The following PRKAG2 variants were observed in gnomAD, a reference collection of about 807,000 sequenced individuals.
The protein encoded by PRKAG2 is 5'-AMP-activated protein kinase subunit gamma-2.
PRKAG2 carries 26 observed loss-of-function variants against 69.6 expected under a neutral mutation model. The observed-to-expected ratio is 0.37, with a 90% CI of 0.27 to 0.52. PRKAG2 has a LOEUF of 0.52. PRKAG2 is among the 20% of genes least tolerant of loss of function. PRKAG2 has a pLI of 0.90. For synonymous variants in PRKAG2, 293 were observed against 285.0 expected, an observed-to-expected ratio of 1.03 and a Z score of -0.28; for missense variants, 557 against 740.0, an observed-to-expected ratio of 0.75 and a Z score of 2.87.
rs943433599 is a variant in PRKAG2 at position 151,742,940 on chromosome 7, G to A, written c.466+38212C>T. Among the ~76,000 whole-genome samples, 4 of 152,188 alleles carry A rather than the reference G, an allele frequency of 2.6e-5. No individual in the cohort carries two copies. The South Asian group carries it at 8.3e-4, about 31-fold the overall frequency. On this transcript the variant is annotated intron_variant, in intron 3 of 15. Transcript: ENST00000287878. The stretch of plus-strand genomic sequence containing the variant: ...ACGCTGATGCGTTGGGAGAGATGGC[G>A]CCTTCCCATTGCAGGGCAGGGGCTG...
chr7:151,822,847 AAGGT>A (rs199835994), intron 1 of PRKAG2, among the ~76,000 whole-genome samples: 17,436 of 152,084 alleles, frequency 0.11, 1,131 homozygotes, highest in East Asian at 0.24. Flanking sequence ...CTCCCCACAA[AAGGT>A]TGCCCAATGA....
chr7:151,645,984 T>G (rs1827494413), intron 4 of PRKAG2, among the ~76,000 whole-genome samples: 1 of 152,242 alleles, frequency 6.6e-6, no homozygotes, highest in Non-Finnish European at 1.5e-5. Flanking sequence ...TGGATTCCCT[T>G]GGTACCTTTA....
intron 5 of PRKAG2, chr7:151,631,853 G>A: frequency 2.0e-6 from 1 of 495,320 alleles, no homozygotes; most frequent in Non-Finnish European, 3.8e-6. Flanking sequence ...TGGGAGCCTG[G>A]CTCGCGTCCC....
chr7:151,659,920 G>A (rs148944017), intron 4 of PRKAG2, among the ~76,000 whole-genome samples: 147 of 152,314 alleles, frequency 9.7e-4, no homozygotes, highest in Admixed American at 2.2e-3. Flanking sequence ...TCTGCCAGGC[G>A]TGGTAGTGCA....
At chr7:151,623,545 G>A (rs958409771) in intron 5 of PRKAG2, among the ~76,000 whole-genome samples, 1 of 152,126 alleles carries the variant, frequency 6.6e-6, no homozygotes, top group Non-Finnish European at 1.5e-5. Context: ...CGTGTGGGCC[G>A]ATTCCTAACA....
chr7:151,704,862 G>A (rs959155343), intron 3 of PRKAG2, among the ~76,000 whole-genome samples: 4 of 152,252 alleles, frequency 2.6e-5, no homozygotes, highest in Admixed American at 2.6e-4. Flanking sequence ...TCAGCGGTGC[G>A]GCAGGTTTTG....
intron 3 of PRKAG2, among the ~76,000 whole-genome samples, chr7:151,728,599 T>G (rs1246274039): frequency 6.6e-6 from 1 of 152,062 alleles, no homozygotes; most frequent in Non-Finnish European, 1.5e-5. Context: ...CCTGCTTCAT[T>G]ATTTACCCCT....
intron 6 of PRKAG2, among the ~76,000 whole-genome samples, chr7:151,589,449 G>A (rs1373903654): frequency 6.6e-6 from 1 of 152,216 alleles, no homozygotes; most frequent in African/African-American, 2.4e-5. Flanking sequence ...GATGAGCTGC[G>A]TTTTTAAAAG....
At chr7:151,857,399 CAA>C (rs71198737) in intron 1 of PRKAG2, among the ~76,000 whole-genome samples, 24 of 122,954 alleles carry the variant, frequency 2.0e-4, no homozygotes, top group Non-Finnish European at 2.3e-4. Flanking sequence ...CTGGAAGTAC[CAA>C]AAAAAAAAAA....
chr7:151,616,443 G>A (rs1029911942), intron 5 of PRKAG2, among the ~76,000 whole-genome samples: 22 of 152,242 alleles, frequency 1.4e-4, no homozygotes, highest in Admixed American at 3.9e-4. Flanking sequence ...CTGGAATGCA[G>A]CTCCCACTCA....
At chr7:151,733,723 G>T (rs1470164578) in intron 3 of PRKAG2, among the ~76,000 whole-genome samples, 3 of 150,600 alleles carry the variant, frequency 2.0e-5, no homozygotes. Context: ...TTTTTTGAGG[G>T]TCTTGCGCTG....
At chr7:151,832,219 G>GA (rs2079042330) in intron 1 of PRKAG2, among the ~76,000 whole-genome samples, 1 of 119,422 alleles carries the variant, frequency 8.4e-6, no homozygotes, top group Non-Finnish European at 1.9e-5. Flanking sequence ...GGAAGAGGAG[G>GA]GGAGGAGGGA....
intron 5 of PRKAG2, among the ~76,000 whole-genome samples, chr7:151,599,198 T>C (rs57356695): frequency 0.039 from 5,896 of 152,166 alleles, 383 homozygotes; most frequent in African/African-American, 0.13. Flanking sequence ...ATTGTGGGGT[T>C]GATAGCACAC....
At chr7:151,706,236 G>T (rs1270038855) in intron 3 of PRKAG2, among the ~76,000 whole-genome samples, 3 of 152,194 alleles carry the variant, frequency 2.0e-5, no homozygotes, top group African/African-American at 7.2e-5. Flanking sequence ...CCAAGCTCCT[G>T]ACTGCTGTCT....
chr7:151,775,097 C>T (rs188019535), intron 3 of PRKAG2, among the ~76,000 whole-genome samples: 16 of 152,316 alleles, frequency 1.1e-4, no homozygotes, highest in Non-Finnish European at 1.5e-4. Flanking sequence ...TATGTAGGCT[C>T]GTTGGGCCAC....
rs1035486307 is a variant in PRKAG2 at position 151,614,801 on chromosome 7, C to T, written c.754+17268G>A. Among the ~76,000 whole-genome samples, 9 of 152,232 alleles carry T rather than the reference C, an allele frequency of 5.9e-5. No homozygotes were observed. The highest frequency in any genetic ancestry group is 5.2e-4 in the Admixed American group (8 of 15,282). ...GGCACTAATCACAATGGCTTTTCTGCAAACTCCTTGCCGACCACTGATCAC... is the reference window on the plus strand; with the variant it reads ...GGCACTAATCACAATGGCTTTTCTGTAAACTCCTTGCCGACCACTGATCAC... On this transcript the variant is annotated intron_variant, in intron 5 of 15. Transcript: ENST00000287878. This position sits in a 1 kb window ranked among gnomAD's most constrained non-coding sequence, Gnocchi z 4.4.
chr7:151,765,493 T>TGG (rs199846070), intron 3 of PRKAG2, among the ~76,000 whole-genome samples: 1,849 of 152,254 alleles, frequency 0.012, 23 homozygotes, highest in African/African-American at 0.042. Flanking sequence ...ATCTGAAACC[T>TGG]GGGGGAGCCC....
chr7:151,709,932 G>A (rs1169549849), intron 3 of PRKAG2, among the ~76,000 whole-genome samples: 3 of 152,196 alleles, frequency 2.0e-5, no homozygotes, highest in East Asian at 1.9e-4. Context: ...ACTGAGTGAC[G>A]TGTGACACTG....
intron 1 of PRKAG2, among the ~76,000 whole-genome samples, chr7:151,844,933 C>T (rs1413486924): frequency 6.7e-6 from 1 of 150,284 alleles, no homozygotes; most frequent in African/African-American, 2.5e-5. Flanking sequence ...CTGTGCTCCC[C>T]AGCCCGGCAA....
Sources: allele counts gnomAD v4.1 joint callset (sites outside exome capture counted in the v4.1 genomes callset), GRCh38; gene constraint gnomAD v4.1.1; non-coding constraint Gnocchi (gnomAD v3.1); transcripts MANE v1.5; gene names NCBI Gene and HGNC (gene_info 2026-07-23, HGNC 2026-07-21).